The following ALPL variants were observed in gnomAD, a reference collection of about 807,000 sequenced individuals.
ALPL encodes the protein alkaline phosphatase, tissue-nonspecific isozyme.
ALPL carries 42 observed loss-of-function variants against 51.3 expected under a neutral mutation model. That is an observed-to-expected ratio of 0.82 (90% CI 0.64 to 1.06). ALPL has a LOEUF of 1.06. Among genes scored for constraint, ALPL ranks in the 50% least tolerant of loss-of-function variants. The pLI, the probability that ALPL is intolerant of heterozygous loss-of-function variation, is 0.00. For missense variants in ALPL, 589 were observed against 709.4 expected, an observed-to-expected ratio of 0.83 and a Z score of 1.93; for synonymous variants, 279 against 296.4, an observed-to-expected ratio of 0.94 and a Z score of 0.60.
intron 2 of ALPL, among the ~76,000 whole-genome samples, chr1:21,556,208 A>G (rs1299265773): frequency 6.6e-6 from 1 of 152,196 alleles, no homozygotes; most frequent in African/African-American, 2.4e-5. Flanking sequence ...TTCTTATACT[A>G]TAAATTCAGA....
Position 21,564,630 on chromosome 1 carries a change from C to T in ALPL, c.648+414C>T, listed in dbSNP as rs967766811. 4.6e-5 allele frequency among the ~76,000 whole-genome samples: 7 copies of T among 152,190 alleles called. No homozygotes were observed. The highest frequency in any genetic ancestry group is 2.0e-4 in the Admixed American group (3 of 15,276). The stretch of plus-strand genomic sequence containing the variant: ...ATGCCCGGCAAAGAGCTGGTGTGTA[C>T]AGTGGTTGGCTAGTGCCAGCTCTCG... On this transcript the variant is annotated intron_variant, in intron 6 of 11. Coordinates refer to ENST00000374840, the MANE Select transcript of ALPL (RefSeq NM_000478.6). This position sits in a 1 kb window ranked among gnomAD's most constrained non-coding sequence, Gnocchi z 5.8.
In ALPL at chr1:21,575,689, C is replaced by T. The variant is rs750296873; in HGVS notation, c.998-44C>T. 5 of 1,601,090 alleles carry T rather than the reference C, an allele frequency of 3.1e-6. No individual in the cohort carries two copies. In the East Asian group the frequency reaches 1.1e-4, roughly 36 times the overall value. On this transcript the variant is annotated intron_variant, in intron 9 of 11. Transcript: ENST00000374840. The stretch of plus-strand genomic sequence containing the variant: ...GTTGTGGGGCTGGGGAGCAGATCTT[C>T]CTCCCCTCCTCCCTCACCGAGGCCT...
At chr1:21,556,266 T>G (rs1644412504) in intron 2 of ALPL, among the ~76,000 whole-genome samples, 1 of 152,242 alleles carries the variant, frequency 6.6e-6, no homozygotes, top group Admixed American at 6.5e-5. Context: ...ACATTTCTTA[T>G]GAATGACTGT....
At chr1:21,538,048 G>A (rs1320756093) in intron 1 of ALPL, among the ~76,000 whole-genome samples, 1 of 152,190 alleles carries the variant, frequency 6.6e-6, no homozygotes, top group South Asian at 2.1e-4. Flanking sequence ...AGCAGTGCCC[G>A]GCACACTCGT....
At chr1:21,513,749 C>G (rs1359427494) in intron 1 of ALPL, among the ~76,000 whole-genome samples, 2 of 152,128 alleles carry the variant, frequency 1.3e-5, no homozygotes, top group Admixed American at 1.3e-4. Context: ...TGTTTTTAAA[C>G]CAGGCAATTT....
At chr1:21,560,987 C>A in intron 3 of ALPL, 110 bp from the exon 4 acceptor site, 1 of 1,108,600 alleles carries the variant, frequency 9.0e-7, no homozygotes, top group Non-Finnish European at 1.3e-6. Context: ...TGCCCAGTGC[C>A]AACTGCCCGA....
In ALPL at chr1:21,554,162, T is replaced by G; in HGVS notation, c.61+20T>G. On this transcript the variant is annotated intron_variant, in intron 2 of 11. Transcript: ENST00000374840. ...TGCCAGGTATGCTTGGGGACACAGGTGGAGGCATAAAAAGGTGGTGCAGAT... is the reference window on the plus strand; with the variant it reads ...TGCCAGGTATGCTTGGGGACACAGGGGGAGGCATAAAAAGGTGGTGCAGAT... 3 of 1,612,988 alleles carry G rather than the reference T, an allele frequency of 1.9e-6. No homozygotes were observed. The highest frequency in any genetic ancestry group is 2.5e-6 in the Non-Finnish European group (3 of 1,179,290).
At chr1:21,528,488 C>T (rs1570193455) in intron 1 of ALPL, among the ~76,000 whole-genome samples, 2 of 151,458 alleles carry the variant, frequency 1.3e-5, no homozygotes, top group Admixed American at 6.6e-5. Context: ...GCTGGGATTA[C>T]GGGCATGTGC....
chr1:21,510,681 G>A (rs556064056), intron 1 of ALPL, among the ~76,000 whole-genome samples: 1 of 152,118 alleles, frequency 6.6e-6, no homozygotes, highest in South Asian at 2.1e-4. Context: ...CCACTGTGTT[G>A]CCTAAGAGAT....
intron 2 of ALPL, among the ~76,000 whole-genome samples, chr1:21,555,492 CTG>C (rs1644400873): frequency 6.6e-6 from 1 of 152,220 alleles, no homozygotes; most frequent in Non-Finnish European, 1.5e-5. Flanking sequence ...TCTCAGCTCA[CTG>C]CAACCTTCGC....
intron 9 of ALPL, chr1:21,574,225 G>T: frequency 1.0e-6 from 1 of 985,162 alleles, no homozygotes; most frequent in Non-Finnish European, 1.2e-6. Context: ...TGAATTCTTG[G>T]CCTGGCGCTG....
intron 6 of ALPL, among the ~76,000 whole-genome samples, chr1:21,565,371 T>G (rs910805370): frequency 6.6e-6 from 1 of 152,086 alleles, no homozygotes; most frequent in East Asian, 1.9e-4. Flanking sequence ...TTCCTTCCCC[T>G]CCCTATGCCT....
chr1:21,538,940 A>G (rs887478004), intron 1 of ALPL, among the ~76,000 whole-genome samples: 7 of 152,166 alleles, frequency 4.6e-5, no homozygotes, highest in Non-Finnish European at 1.0e-4. Flanking sequence ...AGTTATGATT[A>G]TAGGAAGCCC....
chr1:21,564,118 C>T lies in ALPL; in HGVS notation c.550C>T (p.Arg184Trp), dbSNP rs763159520. ...CGCCGCCTACGCCCACTCGGCTGAC[C>T]GGGACTGGTACTCAGACAACGAGAT... ...PSAAYAHSADRDWYSDNEMPP... is the reference protein window; with the variant it reads ...PSAAYAHSADWDWYSDNEMPP... The change falls in exon 6 of 12, where the codon CGG (arginine) becomes TGG (tryptophan). Residue 184 changes from arginine (R) to tryptophan (W), a missense_variant. Arg to Trp is a moderately radical substitution (Grantham distance 101). Transcript: ENST00000374840. This position sits in a 1 kb window ranked among gnomAD's most constrained non-coding sequence, Gnocchi z 5.8. 6.8e-6 allele frequency: 11 copies of T among 1,613,932 alleles called. No homozygotes were observed. Among genetic ancestry groups the T allele is most frequent in the East Asian group, 2.2e-5 (1 of 44,880 alleles).
At chr1:21,511,679 A>T (rs1404768453) in intron 1 of ALPL, among the ~76,000 whole-genome samples, 1 of 152,152 alleles carries the variant, frequency 6.6e-6, no homozygotes, top group Non-Finnish European at 1.5e-5. Flanking sequence ...CTGGGCTGGG[A>T]GCGCAGAGCT....
rs1233482512 is a variant in ALPL, at chr1:21,553,999, CT to C, written c.-82del. The C allele has an allele frequency of 1.8e-6, 2 of 1,131,260 alleles. No homozygotes were observed. The highest frequency in any genetic ancestry group is 2.7e-6 in the Non-Finnish European group (2 of 741,200). 70.1% of individuals were successfully genotyped at this position (1,131,260 alleles called of 1,614,324 possible). A position where few individuals can be genotyped will look rare whatever the true frequency, so the allele number is the denominator to read the frequency against. On this transcript the variant is annotated 5_prime_UTR_variant, in exon 2 of 12. Transcript: ENST00000374840. ...CTAGGATTGGAACATCAGTTAACAT[CT>C]GACCACTGCCAGCCCACCCCCTCCC...
intron 2 of ALPL, among the ~76,000 whole-genome samples, chr1:21,555,367 G>T (rs971192506): frequency 6.6e-6 from 1 of 152,218 alleles, no homozygotes; most frequent in South Asian, 2.1e-4. Context: ...GGATGTATAT[G>T]TGCAGGTCAC....
Position 21,564,732 on chromosome 1 carries a change from C to G in ALPL, c.648+516C>G, listed in dbSNP as rs574700190. Among the ~76,000 whole-genome samples, 1 of 152,230 alleles carries G rather than the reference C, an allele frequency of 6.6e-6. No individual in the cohort carries two copies. The highest frequency in any genetic ancestry group is 1.5e-5 in the Non-Finnish European group (1 of 68,040). On this transcript the variant is annotated intron_variant, in intron 6 of 11. Transcript: ENST00000374840. This position sits in a 1 kb window ranked among gnomAD's most constrained non-coding sequence, Gnocchi z 5.8. Reference sequence around the variant, plus strand: ...ACCTTGGGTCAGTTACTTAACCTCTCTGAGGCTTCCCTTTCACAACTCCTT... The same window carrying G: ...ACCTTGGGTCAGTTACTTAACCTCTGTGAGGCTTCCCTTTCACAACTCCTT...
intron 1 of ALPL, among the ~76,000 whole-genome samples, chr1:21,552,701 C>T (rs1644348927): frequency 6.6e-6 from 1 of 152,122 alleles, no homozygotes; most frequent in African/African-American, 2.4e-5. Flanking sequence ...AGGCATGTTA[C>T]CACCATGCCT....
Sources: gnomAD v4.1 joint callset for allele counts (sites outside exome capture counted in the v4.1 genomes callset) on GRCh38, gnomAD v4.1.1 for gene constraint, Gnocchi (gnomAD v3.1) non-coding constraint, MANE v1.5 for transcripts, NCBI Gene and HGNC (gene_info 2026-07-23, HGNC 2026-07-21) for gene names.